COL19A1: variants seen among roughly 807,000 people sequenced by gnomAD.
COL19A1 encodes the protein collagen type XIX alpha 1 chain.
COL19A1 carries 159 observed loss-of-function variants against 190.2 expected under a neutral mutation model. That is an observed-to-expected ratio of 0.84 (90% CI 0.73 to 0.95). COL19A1 has a LOEUF of 0.95. Among genes scored for constraint, COL19A1 ranks in the 40% least tolerant of loss-of-function variants. The pLI is 0.00. For missense variants in COL19A1, 1,418 were observed against 1,431.9 expected, an observed-to-expected ratio of 0.99 and a Z score of 0.16; for synonymous variants, 509 against 458.9, an observed-to-expected ratio of 1.11 and a Z score of -1.39.
At position 70,082,599 on chromosome 6, in the gene COL19A1, A is replaced by T. The variant is rs1341150505; in HGVS notation, c.1224+14123A>T. Among the ~76,000 whole-genome samples, 12 of 152,118 alleles carry T rather than the reference A, an allele frequency of 7.9e-5. No individual in the cohort carries two copies. In the East Asian group the frequency reaches 2.1e-3, roughly 27 times the overall value. On this transcript the variant is annotated intron_variant, in intron 15 of 50. Coordinates refer to ENST00000620364, the MANE Select transcript of COL19A1 (RefSeq NM_001858.6). ...GGCTAATTTTGTATTTTTAGTAGAG[A>T]CGGGTTTCACCATGTTGGCCTGGCC...
chr6:69,961,202 G>A (rs957721369), intron 10 of COL19A1, among the ~76,000 whole-genome samples: 1 of 152,068 alleles, frequency 6.6e-6, no homozygotes, highest in African/African-American at 2.4e-5. Flanking sequence ...TATGCATGTA[G>A]GTTTTTCTCT....
intron 9 of COL19A1, among the ~76,000 whole-genome samples, chr6:69,946,864 G>A (rs2150030742): frequency 6.6e-6 from 1 of 151,958 alleles, no homozygotes; most frequent in South Asian, 2.1e-4. Flanking sequence ...TAGTTTAGAG[G>A]TAATCAAACT....
chr6:69,870,596 A>G (rs1260721619), intron 1 of COL19A1, among the ~76,000 whole-genome samples: 1 of 152,168 alleles, frequency 6.6e-6, no homozygotes, highest in Non-Finnish European at 1.5e-5. Context: ...AGGTGGTTGG[A>G]CAGATGAGTT....
At chr6:69,942,627 C>T (rs1582474290) in intron 9 of COL19A1, among the ~76,000 whole-genome samples, 1 of 151,448 alleles carries the variant, frequency 6.6e-6, no homozygotes, top group East Asian at 1.9e-4. Context: ...CAGTATTTAT[C>T]CTTCTGTGCC....
At chr6:70,018,256 A>G (rs999010179) in intron 11 of COL19A1, among the ~76,000 whole-genome samples, 1 of 152,126 alleles carries the variant, frequency 6.6e-6, no homozygotes, top group Non-Finnish European at 1.5e-5. Flanking sequence ...TCATGGCATC[A>G]AGGAAAGGCT....
intron 47 of COL19A1, among the ~76,000 whole-genome samples, chr6:70,188,576 G>A (rs576300150): frequency 2.6e-5 from 4 of 152,290 alleles, no homozygotes; most frequent in South Asian, 2.1e-4. Context: ...TCAAACCCAC[G>A]CTTTTAACAT....
At chr6:70,158,046 A>C (rs1047522560) in intron 34 of COL19A1, among the ~76,000 whole-genome samples, 4 of 152,090 alleles carry the variant, frequency 2.6e-5, no homozygotes, top group Non-Finnish European at 5.9e-5. Flanking sequence ...CAGTTCACAA[A>C]ATTGTACACA....
chr6:70,100,010 T>G (rs1485223168), intron 15 of COL19A1, among the ~76,000 whole-genome samples: 1 of 152,220 alleles, frequency 6.6e-6, no homozygotes, highest in African/African-American at 2.4e-5. Flanking sequence ...TGTTACAATA[T>G]CTGACATTTG....
intron 4 of COL19A1, among the ~76,000 whole-genome samples, chr6:69,916,566 T>C (rs985965049): frequency 6.6e-6 from 1 of 152,202 alleles, no homozygotes; most frequent in African/African-American, 2.4e-5. Flanking sequence ...GAAGGAACTA[T>C]AATAATTTAC....
At chr6:70,025,131 C>T (rs1262135655) in intron 12 of COL19A1, among the ~76,000 whole-genome samples, 6 of 151,672 alleles carry the variant, frequency 4.0e-5, no homozygotes, top group South Asian at 4.2e-4. Context: ...CCTGGGTTCA[C>T]GCCATTCTCC....
At chr6:69,966,044 C>T (rs1038310439) in intron 11 of COL19A1, among the ~76,000 whole-genome samples, 1 of 152,230 alleles carries the variant, frequency 6.6e-6, no homozygotes, top group African/African-American at 2.4e-5. Context: ...TATCCCCATA[C>T]TATCTGTCAG....
rs1323183879 is a variant in COL19A1 at position 70,210,320 on chromosome 6, C to T, written c.*3046C>T. Among the ~76,000 whole-genome samples, 1 of 152,062 alleles carries T rather than the reference C, an allele frequency of 6.6e-6. No individual in the cohort carries two copies. The highest frequency in any genetic ancestry group is 2.4e-5 in the African/African-American group (1 of 41,420). ...ATGGCCTTTGGAATCCAAAGAAAAA[C>T]AGAAGAATAATTCATGGATTTGTTC... On this transcript the variant is annotated 3_prime_UTR_variant, in exon 51 of 51. Coordinates refer to ENST00000620364, the MANE Select transcript of COL19A1 (RefSeq NM_001858.6).
chr6:70,106,830 A>T (rs1252182636), intron 16 of COL19A1, among the ~76,000 whole-genome samples: 1 of 152,200 alleles, frequency 6.6e-6, no homozygotes, highest in African/African-American at 2.4e-5. Flanking sequence ...GATCTCTTGG[A>T]TTTATTTCAA....
At position 70,192,818 on chromosome 6, in the gene COL19A1, C is replaced by T. The variant is rs535593252; in HGVS notation, c.3094+2437C>T. On this transcript the variant is annotated intron_variant, in intron 48 of 50. Coordinates refer to ENST00000620364, the MANE Select transcript of COL19A1 (RefSeq NM_001858.6). The stretch of plus-strand genomic sequence containing the variant: ...GGACATGCTAGTCCTGGGGACAGGA[C>T]ATCTAGAATCTCAGATAGTATCCAT... Among the ~76,000 whole-genome samples, 320 of 152,322 alleles carry T rather than the reference C, an allele frequency of 2.1e-3. 5 individuals carry two copies. Among genetic ancestry groups the T allele is most frequent in the Non-Finnish European group, 9.0e-4 (61 of 68,030 alleles).
intron 16 of COL19A1, among the ~76,000 whole-genome samples, chr6:70,110,432 T>G (rs1784220467): frequency 1.3e-5 from 2 of 152,166 alleles, no homozygotes; most frequent in Non-Finnish European, 2.9e-5. Flanking sequence ...ATTTCATTTC[T>G]TAAAAAAAAG....
chr6:70,116,028 A>AAGAAATTG (rs1242433275), intron 16 of COL19A1, among the ~76,000 whole-genome samples: 1 of 152,008 alleles, frequency 6.6e-6, no homozygotes, highest in East Asian at 1.9e-4. Context: ...TTTTTAAAAA[A>AAGAAATTG]AGAAATTGAG....
chr6:70,024,769 T>C (rs1257471184), intron 12 of COL19A1, among the ~76,000 whole-genome samples: 2 of 152,226 alleles, frequency 1.3e-5, no homozygotes, highest in African/African-American at 4.8e-5. Context: ...CACCAGAGAA[T>C]AGGCACTAGC....
At chr6:70,177,402 C>A (rs1046083792) in intron 42 of COL19A1, among the ~76,000 whole-genome samples, 1 of 152,076 alleles carries the variant, frequency 6.6e-6, no homozygotes, top group Admixed American at 6.5e-5. Context: ...CCCAACACCA[C>A]CCAAAGCCCT....
chr6:70,176,166 G>A (rs967791774), intron 41 of COL19A1, among the ~76,000 whole-genome samples: 9 of 152,156 alleles, frequency 5.9e-5, no homozygotes, highest in Non-Finnish European at 1.2e-4. Flanking sequence ...AATCTTTTAA[G>A]CAAGAGTAAT....
Sources: gnomAD v4.1 joint callset for allele counts (sites outside exome capture counted in the v4.1 genomes callset) on GRCh38, gnomAD v4.1.1 for gene constraint, MANE v1.5 for transcripts, NCBI Gene and HGNC (gene_info 2026-07-23, HGNC 2026-07-21) for gene names.